FYB1: variants seen among roughly 807,000 people sequenced by gnomAD.
FYB1 encodes the protein FYN-binding protein 1.
Under a neutral mutation model 94.1 loss-of-function variants are expected in FYB1, and 41 were observed. The ratio of observed to expected loss-of-function variants is 0.44; its 90% CI spans 0.34 to 0.57. FYB1 has a LOEUF of 0.57. Ranked by LOEUF, FYB1 falls within the 20% of genes least tolerant of loss-of-function variation. FYB1 has a pLI of 0.02. For missense variants in FYB1, 1,050 were observed against 976.8 expected (o/e 1.07, Z -1.00); for synonymous variants, 367 against 353.2 (o/e 1.04, Z -0.44).
chr5:39,124,339 G>A (rs374139675), intron 12 of FYB1, 61 bp from the exon 13 acceptor site: 65 of 1,199,488 alleles, frequency 5.4e-5, no homozygotes, highest in East Asian at 1.4e-4. Flanking sequence ...AATTGATTCC[G>A]TTATATAGGA....
At chr5:39,149,170 A>G (rs1036646251) in intron 3 of FYB1, among the ~76,000 whole-genome samples, 2 of 152,204 alleles carry the variant, frequency 1.3e-5, no homozygotes, top group African/African-American at 4.8e-5. Context: ...TCAGTTATTT[A>G]GGATTTCTGA....
chr5:39,176,190 G>C (rs13436935), intron 2 of FYB1, among the ~76,000 whole-genome samples: 1 of 113,826 alleles, frequency 8.8e-6, no homozygotes, highest in Non-Finnish European at 1.7e-5. Context: ...TCACTCTGTC[G>C]CCCAGACTGG....
chr5:39,149,001 C>T (rs966944770), intron 3 of FYB1, among the ~76,000 whole-genome samples: 8 of 152,134 alleles, frequency 5.3e-5, no homozygotes, highest in African/African-American at 1.9e-4. Context: ...TTGATTTGAA[C>T]ATTAAAAATG....
intron 1 of FYB1, among the ~76,000 whole-genome samples, chr5:39,257,300 A>C (rs921002207): frequency 6.6e-6 from 1 of 152,168 alleles, no homozygotes; most frequent in Admixed American, 6.5e-5. Flanking sequence ...TTTGGGAAAA[A>C]GTAGGACTTA....
chr5:39,238,828 A>C (rs972499852), intron 1 of FYB1, among the ~76,000 whole-genome samples: 6 of 152,090 alleles, frequency 3.9e-5, no homozygotes, highest in Non-Finnish European at 8.8e-5. Flanking sequence ...TTCCTCCAAC[A>C]GCTAGGCTTT....
At chr5:39,137,354 A>G (rs554612194) in intron 7 of FYB1, 11 of 333,666 alleles carry the variant, frequency 3.3e-5, no homozygotes, top group African/African-American at 1.1e-4. Flanking sequence ...TCATTCACTC[A>G]ATCAACATAA....
intron 3 of FYB1, among the ~76,000 whole-genome samples, chr5:39,142,205 T>G (rs1006746964): frequency 6.6e-6 from 1 of 152,186 alleles, no homozygotes; most frequent in Non-Finnish European, 1.5e-5. Flanking sequence ...ATCACTCTTT[T>G]TTGTGTAGTC....
chr5:39,246,427 G>A (rs1200801136), intron 1 of FYB1, among the ~76,000 whole-genome samples: 1 of 152,144 alleles, frequency 6.6e-6, no homozygotes, highest in Non-Finnish European at 1.5e-5. Flanking sequence ...AACCAATTCT[G>A]CTCCTGTCAT....
chr5:39,179,750 A>T (rs900733088), intron 2 of FYB1, among the ~76,000 whole-genome samples: 14 of 152,014 alleles, frequency 9.2e-5, no homozygotes, highest in Non-Finnish European at 1.3e-4. Flanking sequence ...AAGTGTTGAG[A>T]TTACAGGCAT....
intron 1 of FYB1, among the ~76,000 whole-genome samples, chr5:39,228,526 A>G (rs1750580803): frequency 6.8e-6 from 1 of 146,938 alleles, no homozygotes; most frequent in East Asian, 2.0e-4. Context: ...TGTCACCTAT[A>G]GTAATGTGTT....
intron 2 of FYB1, among the ~76,000 whole-genome samples, chr5:39,166,437 TA>T (rs61298144): frequency 0.74 from 102,591 of 139,034 alleles, 42,201 homozygotes; most frequent in Non-Finnish European, 0.93. Context: ...CTCCGTCTCA[TA>T]AAAAAAAAAA....
intron 1 of FYB1, chr5:39,270,566 T>C (rs1457525507): frequency 4.6e-6 from 7 of 1,534,966 alleles, no homozygotes; most frequent in Non-Finnish European, 5.2e-6. Context: ...ATCTATTACT[T>C]ACCATTTTTA....
intron 16 of FYB1, among the ~76,000 whole-genome samples, chr5:39,114,219 G>C: frequency 6.6e-6 from 1 of 152,068 alleles, no homozygotes; most frequent in Non-Finnish European, 1.5e-5. Flanking sequence ...TCAGTGACAG[G>C]AGGTGGGAAA....
In FYB1 at chr5:39,202,890, G is replaced by A. The variant is rs765867668; in HGVS notation, c.71C>T (p.Thr24Ile). Reference protein sequence around the residue: ...VSVNSRPFRVTGPNSSSGIQA... With the variant: ...VSVNSRPFRVIGPNSSSGIQA... ...TATTCCTGAAGATGAGTTTGGCCCT[G>A]TGACTCTGAAGGGTCGGCTATTGAC... Residue 24 changes from threonine (T) to isoleucine (I), a missense_variant, in exon 2 of 19, where the codon ACA becomes ATA. Thr to Ile is a moderately conservative substitution (Grantham distance 89, BLOSUM62 -1). Transcript: ENST00000512982. 1.9e-6 allele frequency: 3 copies of A among 1,613,984 alleles called. No homozygotes were observed. The South Asian group carries it at 3.3e-5, about 18-fold the overall frequency.
chr5:39,128,438 T>G (rs536748421), intron 10 of FYB1, among the ~76,000 whole-genome samples: 1 of 152,230 alleles, frequency 6.6e-6, no homozygotes, highest in East Asian at 1.9e-4. Context: ...GTATGAGAAC[T>G]TTAGCACTGC....
chr5:39,241,387 T>C (rs146584324), intron 1 of FYB1, among the ~76,000 whole-genome samples: 98 of 152,284 alleles, frequency 6.4e-4, no homozygotes, highest in African/African-American at 2.3e-3. Context: ...GTCTGGTCCA[T>C]GGAAAATGTA....
At chr5:39,265,078 G>A (rs1279372727) in intron 1 of FYB1, among the ~76,000 whole-genome samples, 3 of 152,178 alleles carry the variant, frequency 2.0e-5, no homozygotes, top group Admixed American at 6.5e-5. Flanking sequence ...GCTCACACCC[G>A]TAATCCCAGC....
chr5:39,196,367 C>A (rs556695650), intron 2 of FYB1, among the ~76,000 whole-genome samples: 60 of 152,058 alleles, frequency 3.9e-4, no homozygotes, highest in African/African-American at 1.4e-3. Flanking sequence ...CTATGCCTGG[C>A]TAATTTTTGT....
chr5:39,118,035 G>A (rs1036510995), intron 16 of FYB1, among the ~76,000 whole-genome samples: 12 of 152,092 alleles, frequency 7.9e-5, no homozygotes, highest in African/African-American at 2.9e-4. Context: ...AAGTAGCTGG[G>A]ACTACAAGGC....
Sources: allele counts gnomAD v4.1 joint callset (sites outside exome capture counted in the v4.1 genomes callset), GRCh38; gene constraint gnomAD v4.1.1; transcripts MANE v1.5; gene names NCBI Gene and HGNC (gene_info 2026-07-23, HGNC 2026-07-21).